DDX50: variants seen among roughly 807,000 people sequenced by gnomAD.
DDX50 encodes the protein ATP-dependent RNA helicase DDX50.
In DDX50, 56 loss-of-function variants were observed where a neutral mutation model predicts 94.8. That is an observed-to-expected ratio of 0.59 (90% CI 0.48 to 0.74). DDX50 has a LOEUF of 0.74. Among genes scored for constraint, DDX50 ranks in the 30% least tolerant of loss-of-function variants. DDX50 has a pLI of 0.00. For synonymous variants in DDX50, 264 were observed against 295.4 expected (o/e 0.89, Z 1.09); for missense variants, 713 against 881.2 (o/e 0.81, Z 2.42).
chr10:68,927,050 C>A lies in DDX50; in HGVS notation c.1239+7069C>A, dbSNP rs564960995. Reference sequence around the variant, plus strand: ...ACCTCAGCCTCCCAACCAGCTGGGACTACAGGCATGCGCCACCACACCTGG... The same window carrying A: ...ACCTCAGCCTCCCAACCAGCTGGGAATACAGGCATGCGCCACCACACCTGG... On this transcript the variant is annotated intron_variant, in intron 8 of 14. Coordinates refer to ENST00000373585, the MANE Select transcript of DDX50 (RefSeq NM_024045.2). 2.7e-3 allele frequency among the ~76,000 whole-genome samples: 418 copies of A among 152,098 alleles called. 5 individuals carry two copies. The highest frequency in any genetic ancestry group is 9.8e-3 in the African/African-American group (408 of 41,476).
In DDX50 at chr10:68,911,320, G is replaced by C; in HGVS notation, c.639+74G>C. ...GGAAAGAAAGTTACACGAGTCCTAA[G>C]TTCTAGTACCCCCAAAATAGAAAAG... On this transcript the variant is annotated intron_variant, in intron 4 of 14. Coordinates refer to ENST00000373585, the MANE Select transcript of DDX50 (RefSeq NM_024045.2). 3.5e-6 allele frequency: 5 copies of C among 1,408,730 alleles called. No homozygotes were observed. In the East Asian group the frequency reaches 9.5e-5, roughly 27 times the overall value. 87.3% of individuals were successfully genotyped at this position (1,408,730 alleles called of 1,614,324 possible).
intron 7 of DDX50, among the ~76,000 whole-genome samples, chr10:68,915,333 A>G (rs1457308727): frequency 1.3e-5 from 2 of 151,984 alleles, no homozygotes; most frequent in South Asian, 2.1e-4. Flanking sequence ...GAATGGCGTG[A>G]ATCCGGGAGG....
At chr10:68,940,488 C>T (rs762345845) in intron 12 of DDX50, among the ~76,000 whole-genome samples, 6 of 151,682 alleles carry the variant, frequency 4.0e-5, no homozygotes, top group Admixed American at 6.6e-5. Context: ...GGTGCAATCT[C>T]GGCTCACTGC....
chr10:68,939,336 G>T (rs1842500030), intron 12 of DDX50, among the ~76,000 whole-genome samples: 1 of 152,152 alleles, frequency 6.6e-6, no homozygotes, highest in African/African-American at 2.4e-5. Context: ...AAGTACCTAA[G>T]AAGTTATTTA....
chr10:68,925,098 T>G (rs1397434702), intron 8 of DDX50, among the ~76,000 whole-genome samples: 3 of 13,658 alleles, frequency 2.2e-4, no homozygotes, highest in Non-Finnish European at 3.5e-4. Context: ...GCTCATGGTT[T>G]TTTTTTTTTT....
chr10:68,933,314 C>T (rs1262453805), intron 8 of DDX50, among the ~76,000 whole-genome samples: 2 of 152,096 alleles, frequency 1.3e-5, no homozygotes, highest in Non-Finnish European at 1.5e-5. Flanking sequence ...GGGTGATCTG[C>T]CTGTCTCGGC....
rs191327478 is a variant in DDX50 at position 68,908,181 on chromosome 10, T to A, written c.384+1174T>A. 2.8e-4 allele frequency among the ~76,000 whole-genome samples: 42 copies of A among 152,268 alleles called. 1 individual carries two copies. In the East Asian group the frequency reaches 6.4e-3, roughly 23 times the overall value. ...AAAGAAAAAAATAGGCTGGGCGCAG[T>A]GGCTCACGCCTGTAATCCCAGCACT... On this transcript the variant is annotated intron_variant, in intron 2 of 14. Transcript: ENST00000373585.
At chr10:68,917,749 T>C (rs1201758328) in intron 7 of DDX50, among the ~76,000 whole-genome samples, 1 of 152,042 alleles carries the variant, frequency 6.6e-6, no homozygotes, top group African/African-American at 2.4e-5. Flanking sequence ...ACTACAGGCA[T>C]GCGCCACCAT....
rs1841692084 is a variant in DDX50, at chr10:68,913,438, C to T, written c.805C>T (p.Arg269Cys). Residue 269 changes from arginine (R) to cysteine (C), a missense_variant, in exon 6 of 15, where the codon CGT becomes TGT. Physicochemically the swap from Arg to Cys is radical, Grantham distance 180. This residue lies in a region of DDX50 where 428 missense variants were observed against 602.3 expected (regional missense o/e 0.71). Transcript: ENST00000373585. Reference sequence around the variant, plus strand: ...TGACATCTTGGTTGGAACACCTGGTCGTATCAAAGACCATCTGCAGAGTGG... The same window carrying T: ...TGACATCTTGGTTGGAACACCTGGTTGTATCAAAGACCATCTGCAGAGTGG... The part of the protein sequence containing the change: ...GIDILVGTPG[R>C]IKDHLQSGRL... 6.2e-7 allele frequency: 1 copy of T among 1,613,972 alleles called. No individual in the cohort carries two copies.
Position 68,941,150 on chromosome 10 carries a change from G to T in DDX50, c.1846G>T (p.Ala616Ser). ...KELNRKLSSN[A>S]VSQITRMCLL... ...ACTTAACAGAAAGCTGAGTAGTAAT[G>T]CAGTGTCTCAGATTACCAGAATGTG... Residue 616 changes from alanine to serine, a missense_variant, in exon 13 of 15, where the codon GCA (alanine) becomes TCA (serine). Transcript: ENST00000373585. 1.9e-6 allele frequency: 3 copies of T among 1,613,460 alleles called. No homozygotes were observed. The South Asian group carries it at 3.3e-5, about 18-fold the overall frequency.
intron 14 of DDX50, among the ~76,000 whole-genome samples, chr10:68,944,139 A>G (rs888777252): frequency 2.6e-5 from 4 of 152,050 alleles, no homozygotes; most frequent in African/African-American, 9.7e-5. Context: ...CCATAATTAA[A>G]CTCCCCCAAA....
chr10:68,931,396 T>A (rs868253206), intron 8 of DDX50, among the ~76,000 whole-genome samples: 973 of 51,448 alleles, frequency 0.019, 15 homozygotes, highest in African/African-American at 0.038. Flanking sequence ...AAAAAAAATA[T>A]ATATATATAT....
intron 7 of DDX50, among the ~76,000 whole-genome samples, chr10:68,918,798 G>A (rs943432258): frequency 6.6e-6 from 1 of 152,092 alleles, no homozygotes; most frequent in African/African-American, 2.4e-5. Flanking sequence ...TACCTGTTTT[G>A]GATATTTCAT....
intron 14 of DDX50, among the ~76,000 whole-genome samples, chr10:68,945,235 C>T (rs113852036): frequency 2.6e-5 from 4 of 151,742 alleles, no homozygotes; most frequent in Non-Finnish European, 5.9e-5. Context: ...GTGGAATGTT[C>T]GTTTGTCTTT....
In DDX50 at chr10:68,903,538, C is replaced by T. The variant is rs1441616940; in HGVS notation, c.87+2067C>T. On this transcript the variant is annotated intron_variant, in intron 1 of 14. Coordinates refer to ENST00000373585, the MANE Select transcript of DDX50 (RefSeq NM_024045.2). ...AAAAAAGGCCAGGTGCGGTGGCTCA[C>T]GTCTGTAATGCCGGCATTTTTGGAG... 4.0e-5 allele frequency among the ~76,000 whole-genome samples: 6 copies of T among 151,306 alleles called. No homozygotes were observed. In the South Asian group the frequency reaches 1.0e-3, roughly 26 times the overall value.
At position 68,946,603 on chromosome 10, in the gene DDX50, T is replaced by TG. The variant is rs780550627; in HGVS notation, c.2192dup (p.His732ProfsTer6). 7 of 1,613,714 alleles carry TG rather than the reference T, an allele frequency of 4.3e-6. No individual in the cohort carries two copies. Among genetic ancestry groups the TG allele is most frequent in the Non-Finnish European group, 5.9e-6 (7 of 1,179,922 alleles). ...GTGGGAATAGAAATCGATCAAGAAG[T>TG]GGGGGCCACAAACGGAGTTTTGACT... On this transcript the variant is annotated frameshift_variant, in exon 15 of 15. Coordinates refer to ENST00000373585, the MANE Select transcript of DDX50 (RefSeq NM_024045.2). LOFTEE classifies it high-confidence loss of function.
intron 14 of DDX50, among the ~76,000 whole-genome samples, chr10:68,944,633 G>A (rs1038616745): frequency 2.6e-5 from 4 of 151,852 alleles, no homozygotes; most frequent in African/African-American, 7.3e-5. Flanking sequence ...TGCAACCTCC[G>A]CCTCCCGGGT....
intron 8 of DDX50, among the ~76,000 whole-genome samples, chr10:68,923,474 G>A (rs911171057): frequency 6.6e-6 from 1 of 151,468 alleles, no homozygotes; most frequent in Non-Finnish European, 1.5e-5. Context: ...CCAAAGTGCT[G>A]GGATTACAGT....
intron 13 of DDX50, among the ~76,000 whole-genome samples, chr10:68,942,477 G>A (rs1842576017): frequency 6.6e-6 from 1 of 151,714 alleles, no homozygotes; most frequent in African/African-American, 2.4e-5. Context: ...TAGAGGGGAG[G>A]GAAAAAATAG....
Sources: allele counts gnomAD v4.1 joint callset (sites outside exome capture counted in the v4.1 genomes callset), GRCh38; gene constraint gnomAD v4.1.1; regional missense constraint gnomAD v4.1.1; transcripts MANE v1.5; gene names NCBI Gene and HGNC (gene_info 2026-07-23, HGNC 2026-07-21).